Variants in NHSL2 observed in about 807,000 individuals in gnomAD.
NHSL2 encodes NHS like 2.
NHSL2 carries 27 observed loss-of-function variants against 53.4 expected under a neutral mutation model. The observed-to-expected ratio is 0.51, with a 90% CI of 0.37 to 0.70. The LOEUF (loss-of-function observed/expected upper bound fraction) is 0.70, where lower values mean the gene tolerates loss of function less well. NHSL2 is among the 30% of genes least tolerant of loss of function. NHSL2 has a pLI of 0.00. For synonymous variants in NHSL2, 408 were observed against 404.1 expected (o/e 1.01, Z -0.12); for missense variants, 892 against 980.1 (o/e 0.91, Z 1.20).
At chrX:72,129,558 C>T (rs2042262267) in intron 1 of NHSL2, 1 of 337,279 alleles carries the variant, frequency 3.0e-6, no homozygotes. Flanking sequence ...GGCCCAGAAA[C>T]TTGCTCTCCA....
chrX:71,911,430 G>C (rs920032495), intron 1 of NHSL2, 63 bp downstream of exon 1: 5 of 963,799 alleles, frequency 5.2e-6, no homozygotes, highest in Non-Finnish European at 5.3e-6. Context: ...GGCGCCGGTC[G>C]GCGCTTAGCG....
chrX:72,056,638 T>C (rs1418608290), intron 1 of NHSL2, among the ~76,000 whole-genome samples: 1 of 112,080 alleles, frequency 8.9e-6, no homozygotes, highest in Non-Finnish European at 1.9e-5. Flanking sequence ...TTACTCCTTA[T>C]TGGTATCCCA....
At chrX:72,098,135 C>G (rs1267001148) in intron 1 of NHSL2, among the ~76,000 whole-genome samples, 3 of 112,332 alleles carry the variant, frequency 2.7e-5, no homozygotes, top group African/African-American at 9.7e-5. Flanking sequence ...TGCCCTTCCT[C>G]AGGCTCTTCC....
chrX:72,039,158 C>CCTTTCCTTTCCTTTCCTTTCCTT (rs1467571777), intron 1 of NHSL2, among the ~76,000 whole-genome samples: 1 of 43,546 alleles, frequency 2.3e-5, no homozygotes, highest in Non-Finnish European at 6.1e-5. Flanking sequence ...TTCCTTGTCT[C>CCTTTCCTTTCCTTTCCTTTCCTT]TCTTTATTTC....
Position 71,988,512 on chromosome X carries a change from G to A in NHSL2, c.280+77145G>A, listed in dbSNP as rs181412013. 2.0e-3 allele frequency among the ~76,000 whole-genome samples: 221 copies of A among 111,355 alleles called. 1 individual carries two copies. Among genetic ancestry groups the A allele is most frequent in the African/African-American group, 7.1e-3 (216 of 30,633 alleles). On this transcript the variant is annotated intron_variant, in intron 1 of 7. Transcript: ENST00000633930. ...CTCCTAAGTTGGGCTTCTAACCCAA[G>A]GTCAGTCAAGCGTCCTTGACTTTTA...
rs2042482648 is a variant in NHSL2 at position 72,148,725 on chromosome X, A to G, written c.*5151A>G. On this transcript the variant is annotated 3_prime_UTR_variant, in exon 8 of 8. Transcript: ENST00000633930. Reference sequence around the variant, plus strand: ...GAGTAATGAGCAATGTGAAATGGGCATTATACTTTTGTTCAGTAAAGCCCA... The same window carrying G: ...GAGTAATGAGCAATGTGAAATGGGCGTTATACTTTTGTTCAGTAAAGCCCA... 4 of 111,362 alleles carry G rather than the reference A, an allele frequency of 3.6e-5. No individual in the cohort carries two copies. The Admixed American group carries it at 3.8e-4, about 11-fold the overall frequency. The allele number at this position is 111,362 out of a possible 1,213,427, so 9.2% of individuals were successfully genotyped here. A position where few individuals can be genotyped will look rare whatever the true frequency, so the allele number is the denominator to read the frequency against.
chrX:72,022,341 A>G (rs1167171709), intron 1 of NHSL2, among the ~76,000 whole-genome samples: 1 of 112,552 alleles, frequency 8.9e-6, no homozygotes, highest in Non-Finnish European at 1.9e-5. Flanking sequence ...ACTTGCTTTC[A>G]TTACTTTAAT....
chrX:72,118,974 A>G (rs1202231872), intron 1 of NHSL2, among the ~76,000 whole-genome samples: 1 of 111,157 alleles, frequency 9.0e-6, no homozygotes, highest in Admixed American at 9.5e-5. Context: ...TTCCAACTTC[A>G]TTCTTTGGCA....
chrX:72,094,408 G>T (rs2147450304), intron 1 of NHSL2, among the ~76,000 whole-genome samples: 1 of 111,653 alleles, frequency 9.0e-6, no homozygotes, highest in Non-Finnish European at 1.9e-5. Context: ...AGGGGGCTTT[G>T]ACTCAAGCTG....
chrX:72,067,218 A>C (rs1016880535), intron 1 of NHSL2, among the ~76,000 whole-genome samples: 1 of 111,468 alleles, frequency 9.0e-6, no homozygotes, highest in African/African-American at 3.3e-5. Context: ...TCTTGACCTA[A>C]GTAGGGGTAC....
rs1259953271 is a variant in NHSL2, at chrX:72,027,888, G to C, written c.281-104191G>C. ...TGTATTAAGGGTCAGAAGGAGGCTT[G>C]GTCCATGCAGCCTGGCCTACCTCCA... On this transcript the variant is annotated intron_variant, in intron 1 of 7. Coordinates refer to ENST00000633930, the MANE Select transcript of NHSL2 (RefSeq NM_001013627.3). 9.0e-5 allele frequency among the ~76,000 whole-genome samples: 10 copies of C among 110,834 alleles called. No individual in the cohort carries two copies. The Admixed American group carries it at 9.6e-4, about 11-fold the overall frequency.
intron 1 of NHSL2, among the ~76,000 whole-genome samples, chrX:71,971,202 A>G (rs1218695118): frequency 9.0e-6 from 1 of 111,660 alleles, no homozygotes; most frequent in Non-Finnish European, 1.9e-5. Flanking sequence ...TTGTTATCCT[A>G]AGGTTTATGA....
At chrX:72,084,208 G>C (rs1357126761) in intron 1 of NHSL2, among the ~76,000 whole-genome samples, 2 of 111,995 alleles carry the variant, frequency 1.8e-5, no homozygotes, top group Non-Finnish European at 3.8e-5. Context: ...TGAGAAGAGA[G>C]GGGGAGAGAG....
chrX:71,959,715 G>T (rs1243865305), intron 1 of NHSL2, among the ~76,000 whole-genome samples: 1 of 111,586 alleles, frequency 9.0e-6, no homozygotes, highest in South Asian at 3.8e-4. Context: ...TCATATAAAC[G>T]ATATTATATG....
In NHSL2 at chrX:71,978,441, C is replaced by T. The variant is rs773932901; in HGVS notation, c.280+67074C>T. ...GCACAGAACAGCTTCTGAGGTAATC[C>T]TCCATAGACTGTCAAGCCCAAAAAG... is the stretch of plus-strand genomic sequence containing the variant. On this transcript the variant is annotated intron_variant, in intron 1 of 7. Coordinates refer to ENST00000633930, the MANE Select transcript of NHSL2 (RefSeq NM_001013627.3). 1.3e-4 allele frequency among the ~76,000 whole-genome samples: 15 copies of T among 112,197 alleles called. No individual in the cohort carries two copies. The South Asian group carries it at 5.6e-3, about 42-fold the overall frequency.
rs750952623 is a variant in NHSL2, at chrX:72,152,331, A to G, written c.*8757A>G. ...TGAGGGCTAATTCACAAATCACACC[A>G]TACATGCGTGTGTGCATGCGCGCGC... On this transcript the variant is annotated 3_prime_UTR_variant, in exon 8 of 8. Transcript: ENST00000633930. The G allele has an allele frequency of 3.3e-4, 32 of 96,583 alleles. No individual in the cohort carries two copies. The highest frequency in any genetic ancestry group is 1.2e-3 in the African/African-American group (32 of 26,419). The allele number at this position is 96,583 out of a possible 1,213,427, so 8.0% of individuals were successfully genotyped here.
At chrX:71,993,119 T>A (rs1238953089) in intron 1 of NHSL2, among the ~76,000 whole-genome samples, 4 of 111,915 alleles carry the variant, frequency 3.6e-5, no homozygotes, top group African/African-American at 1.3e-4. Context: ...CTGGCAGTAG[T>A]TGCTGGTGTC....
Position 72,139,145 on chromosome X carries a change from G to A in NHSL2, c.1597G>A (p.Gly533Ser), listed in dbSNP as rs1242431756. 2 of 1,173,014 alleles carry A rather than the reference G, an allele frequency of 1.7e-6. No individual in the cohort carries two copies. Among genetic ancestry groups the A allele is most frequent in the Non-Finnish European group, 2.3e-6 (2 of 875,522 alleles). ...ALPFASTSSE[G>S]SNSADNIASL... ...GCCTTTTGCCAGTACGAGCTCTGAG[G>A]GCAGTAACAGTGCTGACAACATTGC... The change falls in exon 6 of 8, where the codon GGC becomes AGC. Residue 533 changes from glycine (G) to serine (S), a missense_variant. Transcript: ENST00000633930.
intron 1 of NHSL2, among the ~76,000 whole-genome samples, chrX:72,047,384 A>G (rs1031760398): frequency 1.8e-5 from 2 of 112,399 alleles, no homozygotes; most frequent in African/African-American, 6.5e-5. Flanking sequence ...GGCCATCGAC[A>G]TTGGAGGCTG....
Sources: allele counts gnomAD v4.1 joint callset (sites outside exome capture counted in the v4.1 genomes callset), GRCh38; gene constraint gnomAD v4.1.1; transcripts MANE v1.5; gene names NCBI Gene and HGNC (gene_info 2026-07-23, HGNC 2026-07-21).